The following GRIN2B variants were observed in gnomAD, a reference collection of about 807,000 sequenced individuals.
The protein encoded by GRIN2B is glutamate receptor ionotropic, NMDA 2B.
Under a neutral mutation model 114.5 loss-of-function variants are expected in GRIN2B, and 5 were observed. The ratio of observed to expected loss-of-function variants is 0.04; its 90% CI spans 0.02 to 0.09. The LOEUF (loss-of-function observed/expected upper bound fraction) is 0.09. Among genes scored for constraint, GRIN2B ranks in the 10% least tolerant of loss-of-function variants. GRIN2B has a pLI of 1.00. For missense variants in GRIN2B, 1,108 were observed against 1,943.5 expected, an observed-to-expected ratio of 0.57 and a Z score of 8.08; for synonymous variants, 787 against 745.1, an observed-to-expected ratio of 1.06 and a Z score of -0.92.
intron 2 of GRIN2B, among the ~76,000 whole-genome samples, chr12:13,977,144 A>G (rs1565607087): frequency 6.6e-6 from 1 of 152,114 alleles, no homozygotes; most frequent in African/African-American, 2.4e-5. Flanking sequence ...TGAATTGAGG[A>G]TTTTTTCTCT....
At chr12:13,669,866 C>T (rs985700608) in intron 5 of GRIN2B, among the ~76,000 whole-genome samples, 2 of 152,088 alleles carry the variant, frequency 1.3e-5, no homozygotes, top group Non-Finnish European at 2.9e-5. Flanking sequence ...ACTATGATCA[C>T]CATAGTCCTT....
intron 2 of GRIN2B, among the ~76,000 whole-genome samples, chr12:13,973,739 T>A (rs1368875256): frequency 6.6e-6 from 1 of 152,216 alleles, no homozygotes; most frequent in Non-Finnish European, 1.5e-5. Flanking sequence ...TAATAAGTCA[T>A]CAGGCTGAGC....
intron 2 of GRIN2B, among the ~76,000 whole-genome samples, chr12:13,897,554 G>GGTTC (rs1311500553): frequency 1.3e-5 from 2 of 152,198 alleles, no homozygotes; most frequent in African/African-American, 4.8e-5. Context: ...AGAAAATGTG[G>GGTTC]GTTCTCCCAA....
chr12:13,564,647 A>G lies in GRIN2B; in HGVS notation c.2599-8T>C, dbSNP rs761875060. 1 of 1,613,136 alleles carries G rather than the reference A, an allele frequency of 6.2e-7. No homozygotes were observed. The highest frequency in any genetic ancestry group is 1.1e-5 in the South Asian group (1 of 91,072). ...GATGCAGCTGTAGATACCCTGAAGC[A>G]AGAATGGAGGGACAGGTTAGATCTC... is the stretch of plus-strand genomic sequence containing the variant. On this transcript the variant is annotated splice_region_variant and splice_polypyrimidine_tract_variant and intron_variant, in intron 13 of 13. Coordinates refer to ENST00000609686, the MANE Select transcript of GRIN2B (RefSeq NM_000834.5). The surrounding 1 kb of genome is among the most constrained non-coding windows in gnomAD (Gnocchi z 4.8).
chr12:13,769,079 C>T (rs11611454), intron 3 of GRIN2B, among the ~76,000 whole-genome samples: 15,582 of 152,018 alleles, frequency 0.1, 1,032 homozygotes, highest in Non-Finnish European at 0.15. Context: ...TAAAGGCTAC[C>T]GCTAGTTACT....
At position 13,775,172 on chromosome 12, in the gene GRIN2B, C is replaced by G. The variant is rs566016159; in HGVS notation, c.412-21257G>C. Among the ~76,000 whole-genome samples, 31 of 152,202 alleles carry G rather than the reference C, an allele frequency of 2.0e-4. 1 individual carries two copies. Among genetic ancestry groups the G allele is most frequent in the Admixed American group, 2.0e-3 (31 of 15,266 alleles). On this transcript the variant is annotated intron_variant, in intron 3 of 13. Coordinates refer to ENST00000609686, the MANE Select transcript of GRIN2B (RefSeq NM_000834.5). The stretch of plus-strand genomic sequence containing the variant: ...TATCTATCAAGTACCTAATAAACAC[C>G]AAACACTGGGTTAAAGGCTGAGGAT...
At chr12:13,662,078 A>G (rs952758135) in intron 5 of GRIN2B, among the ~76,000 whole-genome samples, 1 of 152,230 alleles carries the variant, frequency 6.6e-6, no homozygotes, top group Admixed American at 6.5e-5. Context: ...ACAGTAGGCT[A>G]GAGTAGGTAA....
At chr12:13,969,782 T>C (rs1400939710) in intron 2 of GRIN2B, among the ~76,000 whole-genome samples, 1 of 152,192 alleles carries the variant, frequency 6.6e-6, no homozygotes, top group Non-Finnish European at 1.5e-5. Flanking sequence ...CATTTATGAG[T>C]TTCAGTGTCA....
Position 13,770,987 on chromosome 12 carries a change from C to T in GRIN2B, c.412-17072G>A, listed in dbSNP as rs141483104. 2.0e-5 allele frequency among the ~76,000 whole-genome samples: 3 copies of T among 152,282 alleles called. No individual in the cohort carries two copies. The East Asian group carries it at 5.8e-4, about 29-fold the overall frequency. ...CTGTAGCCACCACTTCACAATGGCT[C>T]CTAAGTAACTGATATGGTTTGGCTC... is the stretch of plus-strand genomic sequence containing the variant. On this transcript the variant is annotated intron_variant, in intron 3 of 13. Coordinates refer to ENST00000609686, the MANE Select transcript of GRIN2B (RefSeq NM_000834.5).
rs112443797 is a variant in GRIN2B at position 13,805,364 on chromosome 12, A to T, written c.412-51449T>A. 5.6e-3 allele frequency among the ~76,000 whole-genome samples: 853 copies of T among 152,312 alleles called. 5 individuals carry two copies. Among genetic ancestry groups the T allele is most frequent in the African/African-American group, 0.019 (809 of 41,572 alleles). The stretch of plus-strand genomic sequence containing the variant: ...CGCATAAGATAATCTAAACAAAGTT[A>T]TATCTAGAAAAGCCTGAAGGTCAAA... On this transcript the variant is annotated intron_variant, in intron 3 of 13. Transcript: ENST00000609686.
chr12:13,803,995 C>T (rs1864559187), intron 3 of GRIN2B, among the ~76,000 whole-genome samples: 3 of 152,174 alleles, frequency 2.0e-5, no homozygotes, highest in African/African-American at 4.8e-5. Flanking sequence ...ATTGCCACTT[C>T]ACTAAGTACT....
rs368015443 is a variant in GRIN2B, at chr12:13,640,613, C to A, written c.1126-23956G>T. On this transcript the variant is annotated intron_variant, in intron 5 of 13. Coordinates refer to ENST00000609686, the MANE Select transcript of GRIN2B (RefSeq NM_000834.5). The stretch of plus-strand genomic sequence containing the variant: ...TTTAAGTAGAAATAACTAGACATTA[C>A]AGAATGTTGCATGTTGACAAAACGT... Among the ~76,000 whole-genome samples, 6 of 152,302 alleles carry A rather than the reference C, an allele frequency of 3.9e-5. No homozygotes were observed. The East Asian group carries it at 1.2e-3, about 29-fold the overall frequency.
At chr12:13,841,106 A>G (rs1166486051) in intron 3 of GRIN2B, among the ~76,000 whole-genome samples, 8 of 152,182 alleles carry the variant, frequency 5.3e-5, no homozygotes, top group Admixed American at 5.2e-4. Context: ...TAGCCTAAGC[A>G]GCCTAGTTGT....
rs1863953003 is a variant in GRIN2B at position 13,773,882 on chromosome 12, C to T, written c.412-19967G>A. On this transcript the variant is annotated intron_variant, in intron 3 of 13. Coordinates refer to ENST00000609686, the MANE Select transcript of GRIN2B (RefSeq NM_000834.5). ...GGCTGAATCTGGAAGTCCTTCCAGA[C>T]ATACACACCCTAGAACAGAGGTCCT... 3.3e-5 allele frequency among the ~76,000 whole-genome samples: 5 copies of T among 152,172 alleles called. No individual in the cohort carries two copies. In the South Asian group the frequency reaches 1.0e-3, roughly 32 times the overall value.
At chr12:13,875,156 T>C (rs1865975330) in intron 2 of GRIN2B, among the ~76,000 whole-genome samples, 1 of 152,104 alleles carries the variant, frequency 6.6e-6, no homozygotes, top group South Asian at 2.1e-4. Context: ...CTCCCATTTA[T>C]AAGTTTACCT....
At chr12:13,865,370 G>A (rs758248182) in intron 3 of GRIN2B, among the ~76,000 whole-genome samples, 7 of 152,144 alleles carry the variant, frequency 4.6e-5, no homozygotes, top group South Asian at 2.1e-4. Context: ...GGTGGCTCAC[G>A]CCTGTAATCC....
chr12:13,869,230 T>A (rs915113958), intron 2 of GRIN2B, among the ~76,000 whole-genome samples: 2 of 140,022 alleles, frequency 1.4e-5, no homozygotes, highest in African/African-American at 5.5e-5. Context: ...TTTTTCTTTT[T>A]CTTTTTTTTT....
At chr12:13,819,492 T>C (rs138816257) in intron 3 of GRIN2B, among the ~76,000 whole-genome samples, 3 of 152,286 alleles carry the variant, frequency 2.0e-5, no homozygotes, top group Admixed American at 2.0e-4. Flanking sequence ...AATCTCCACT[T>C]CTTTAAGATC....
chr12:13,588,086 GAT>G (rs1948955499), intron 10 of GRIN2B, among the ~76,000 whole-genome samples: 1 of 152,180 alleles, frequency 6.6e-6, no homozygotes. Flanking sequence ...TGAACTCCAT[GAT>G]AATTCTATCA....
Sources: allele counts gnomAD v4.1 joint callset (sites outside exome capture counted in the v4.1 genomes callset), GRCh38; gene constraint gnomAD v4.1.1; non-coding constraint Gnocchi (gnomAD v3.1); transcripts MANE v1.5; gene names NCBI Gene and HGNC (gene_info 2026-07-23, HGNC 2026-07-21).